Variants in MAGI2 observed in about 807,000 individuals in gnomAD.
MAGI2 encodes the protein membrane-associated guanylate kinase, WW and PDZ domain-containing protein 2.
MAGI2 carries 35 observed loss-of-function variants against 133.3 expected under a neutral mutation model. That is an observed-to-expected ratio of 0.26 (90% CI 0.20 to 0.35). The LOEUF (loss-of-function observed/expected upper bound fraction) is 0.35, where lower values mean the gene tolerates loss of function less well. Ranked by LOEUF, MAGI2 falls within the 10% of genes least tolerant of loss-of-function variation. The pLI is 1.00. For synonymous variants in MAGI2, 729 were observed against 710.6 expected (o/e 1.03, Z -0.41); for missense variants, 1,636 against 1,863.4 (o/e 0.88, Z 2.25).
intron 1 of MAGI2, among the ~76,000 whole-genome samples, chr7:79,044,120 C>T (rs1811949953): frequency 6.6e-6 from 1 of 151,986 alleles, no homozygotes; most frequent in Non-Finnish European, 1.5e-5. Flanking sequence ...AGAGATACAA[C>T]AACAACAAAA....
intron 1 of MAGI2, among the ~76,000 whole-genome samples, chr7:79,278,955 T>C (rs1289102227): frequency 1.3e-5 from 2 of 152,118 alleles, no homozygotes; most frequent in Non-Finnish European, 2.9e-5. Flanking sequence ...TAGTCTACAA[T>C]GAGCAAATAA....
intron 1 of MAGI2, among the ~76,000 whole-genome samples, chr7:79,260,943 A>G (rs1834043537): frequency 6.6e-6 from 1 of 152,202 alleles, no homozygotes; most frequent in Non-Finnish European, 1.5e-5. Flanking sequence ...AGGCCTTACT[A>G]GAGGTCCAAA....
At chr7:78,743,197 A>G (rs1822591943) in intron 2 of MAGI2, among the ~76,000 whole-genome samples, 1 of 151,984 alleles carries the variant, frequency 6.6e-6, no homozygotes, top group Non-Finnish European at 1.5e-5. Context: ...CTCTACTAGA[A>G]CCCTATAGAG....
chr7:78,601,337 G>A, intron 3 of MAGI2, among the ~76,000 whole-genome samples: 2 of 151,972 alleles, frequency 1.3e-5, no homozygotes, highest in Middle Eastern at 6.8e-3. Context: ...TAAGTGCTAA[G>A]AAAAAAAATG....
At chr7:78,501,829 GGTAACT>G (rs1466392542) in intron 4 of MAGI2, 42 bp from the exon 5 acceptor site, 1 of 1,464,970 alleles carries the variant, frequency 6.8e-7, no homozygotes, top group African/African-American at 1.4e-5. Flanking sequence ...CTCCAACCAT[GGTAACT>G]CTGGACTGAG....
At chr7:79,235,649 G>A (rs538640299) in intron 1 of MAGI2, among the ~76,000 whole-genome samples, 63 of 152,230 alleles carry the variant, frequency 4.1e-4, no homozygotes, top group Admixed American at 3.3e-3. Context: ...GCCCTGCTTC[G>A]GCTCGCGCAC....
chr7:78,432,643 C>T (rs1799911668), intron 6 of MAGI2, among the ~76,000 whole-genome samples: 1 of 151,852 alleles, frequency 6.6e-6, no homozygotes, highest in African/African-American at 2.4e-5. Flanking sequence ...CTGAGAATTC[C>T]TCAAATGATA....
intron 2 of MAGI2, among the ~76,000 whole-genome samples, chr7:78,737,943 T>A (rs1822029922): frequency 6.6e-6 from 1 of 152,118 alleles, no homozygotes. Flanking sequence ...ATTAAAACCC[T>A]GCTTACTCTG....
chr7:79,447,613 T>C (rs561943375), intron 1 of MAGI2, among the ~76,000 whole-genome samples: 32 of 152,094 alleles, frequency 2.1e-4, no homozygotes, highest in Admixed American at 1.5e-3. Flanking sequence ...CTTACTTATA[T>C]TGCATTTCTT....
intron 2 of MAGI2, among the ~76,000 whole-genome samples, chr7:78,800,869 A>C (rs1788004365): frequency 6.6e-6 from 1 of 152,160 alleles, no homozygotes; most frequent in African/African-American, 2.4e-5. Context: ...GTGAAACAAT[A>C]GAGGAAATTG....
chr7:79,342,931 T>G (rs1242509477), intron 1 of MAGI2, among the ~76,000 whole-genome samples: 1 of 151,832 alleles, frequency 6.6e-6, no homozygotes, highest in East Asian at 2.0e-4. Context: ...GGCTATTTTT[T>G]TGTATTGTTT....
chr7:78,984,554 C>T (rs1805071674), intron 2 of MAGI2, among the ~76,000 whole-genome samples: 1 of 151,918 alleles, frequency 6.6e-6, no homozygotes, highest in South Asian at 2.1e-4. Context: ...GGGGTTCTGT[C>T]CACTCTGTTT....
intron 11 of MAGI2, among the ~76,000 whole-genome samples, chr7:78,196,339 G>A (rs1828733670): frequency 1.3e-5 from 2 of 152,042 alleles, no homozygotes; most frequent in Admixed American, 1.3e-4. Context: ...CAGATCAGAC[G>A]CAAACAGGGC....
chr7:78,724,215 T>C (rs1207575532), intron 2 of MAGI2, among the ~76,000 whole-genome samples: 2 of 152,112 alleles, frequency 1.3e-5, no homozygotes, highest in East Asian at 3.9e-4. Flanking sequence ...AGAGAGGATA[T>C]AGACATTACA....
chr7:78,109,932 A>T (rs889432838), intron 20 of MAGI2, among the ~76,000 whole-genome samples: 1 of 152,126 alleles, frequency 6.6e-6, no homozygotes, highest in Non-Finnish European at 1.5e-5. Flanking sequence ...GTATGTGCCC[A>T]TTTCCAGAAA....
intron 1 of MAGI2, among the ~76,000 whole-genome samples, chr7:79,032,824 A>C (rs1810731642): frequency 6.6e-6 from 1 of 151,834 alleles, no homozygotes; most frequent in Non-Finnish European, 1.5e-5. Context: ...CAGACAAGCA[A>C]CTTTTAAACT....
intron 1 of MAGI2, among the ~76,000 whole-genome samples, chr7:79,441,107 C>G (rs897702774): frequency 6.6e-6 from 1 of 152,196 alleles, no homozygotes; most frequent in African/African-American, 2.4e-5. Context: ...ATGGAATTAC[C>G]TTGCTTGATT....
intron 6 of MAGI2, among the ~76,000 whole-genome samples, chr7:78,394,875 A>C (rs1796203061): frequency 6.6e-6 from 1 of 152,216 alleles, no homozygotes; most frequent in Non-Finnish European, 1.5e-5. Flanking sequence ...TGACTTATAA[A>C]ACCTACAAGA....
chr7:78,301,425 G>A (rs1479859385), intron 9 of MAGI2, among the ~76,000 whole-genome samples: 2 of 152,138 alleles, frequency 1.3e-5, no homozygotes, highest in Non-Finnish European at 2.9e-5. Context: ...GGAACAATGT[G>A]CTGTGAATCC....
Sources: gnomAD v4.1 joint callset for allele counts (sites outside exome capture counted in the v4.1 genomes callset) on GRCh38, gnomAD v4.1.1 for gene constraint, MANE v1.5 for transcripts, NCBI Gene and HGNC (gene_info 2026-07-23, HGNC 2026-07-21) for gene names.